The following MAP4K3 variants were observed in gnomAD, a reference collection of about 807,000 sequenced individuals.
MAP4K3 encodes MAPK/ERK kinase kinase kinase 3.
MAP4K3 carries 94 observed loss-of-function variants against 143.5 expected under a neutral mutation model. That is an observed-to-expected ratio of 0.65 (90% CI 0.55 to 0.78). MAP4K3 has a LOEUF of 0.78. Ranked by LOEUF, MAP4K3 falls within the 30% of genes least tolerant of loss-of-function variation. The pLI is 0.00. For synonymous variants in MAP4K3, 416 were observed against 347.2 expected, an observed-to-expected ratio of 1.20 and a Z score of -2.20; for missense variants, 1,077 against 1,068.1, an observed-to-expected ratio of 1.01 and a Z score of -0.12.
intron 3 of MAP4K3, 76 bp from the exon 4 acceptor site, chr2:39,343,528 T>G: frequency 8.4e-7 from 1 of 1,196,344 alleles, no homozygotes; most frequent in Non-Finnish European, 1.2e-6. Context: ...TATTTTAAGG[T>G]TGTAAGCTGT....
chr2:39,333,959 T>TTTTGTG (rs1335174702), intron 6 of MAP4K3, among the ~76,000 whole-genome samples: 1 of 87,244 alleles, frequency 1.1e-5, no homozygotes, highest in Non-Finnish European at 2.4e-5. Flanking sequence ...TGTTTCCCAT[T>TTTTGTG]TTTGTGTGTG....
At chr2:39,350,255 A>C (rs1002637185) in intron 3 of MAP4K3, among the ~76,000 whole-genome samples, 1 of 152,218 alleles carries the variant, frequency 6.6e-6, no homozygotes, top group African/African-American at 2.4e-5. Context: ...AGAAAAGAGA[A>C]AGACATGAAC....
Position 39,267,764 on chromosome 2 carries a change from T to C in MAP4K3, c.1974-517A>G, listed in dbSNP as rs145252568. On this transcript the variant is annotated intron_variant, in intron 26 of 33. Coordinates refer to ENST00000263881, the MANE Select transcript of MAP4K3 (RefSeq NM_003618.4). ...TCCAAATGGGTTAAGGGTTTAAATA[T>C]GAAAACAAACTATAGAAGTCTATAG... Among the ~76,000 whole-genome samples the C allele has an allele frequency of 1.5e-3, 230 of 151,632 alleles. 2 individuals carry two copies. The highest frequency in any genetic ancestry group is 4.9e-3 in the African/African-American group (203 of 41,362).
At chr2:39,259,304 G>T (rs1264762124) in intron 29 of MAP4K3, among the ~76,000 whole-genome samples, 1 of 152,134 alleles carries the variant, frequency 6.6e-6, no homozygotes, top group Non-Finnish European at 1.5e-5. Flanking sequence ...GTCCTATCTA[G>T]ACTATAAATG....
intron 31 of MAP4K3, among the ~76,000 whole-genome samples, chr2:39,254,809 G>A (rs1483171756): frequency 6.6e-6 from 1 of 151,998 alleles, no homozygotes; most frequent in South Asian, 2.1e-4. Context: ...CAAACTCCTG[G>A]CCTCAAGTGA....
Position 39,272,303 on chromosome 2 carries a change from G to A in MAP4K3, c.1953C>T (p.Leu651=), listed in dbSNP as rs142870000. 1 of 1,612,834 alleles carries A rather than the reference G, an allele frequency of 6.2e-7. No individual in the cohort carries two copies. The highest frequency in any genetic ancestry group is 2.2e-5 in the East Asian group (1 of 44,800). The part of the protein sequence containing the change: ...KLPVAIPAHK[L]PDRILPRKFS... ...CTTACCTTGGCAGTATTCTGTCAGG[G>A]AGTTTGTGTGCTGGAATAGCAACAG... Residue 651 remains leucine, a synonymous_variant, in exon 26 of 34, where the codon CTC becomes CTT. Transcript: ENST00000263881.
At chr2:39,263,639 G>A (rs942850430) in intron 28 of MAP4K3, among the ~76,000 whole-genome samples, 11 of 152,112 alleles carry the variant, frequency 7.2e-5, no homozygotes, top group African/African-American at 2.2e-4. Context: ...ATTAAGGAAG[G>A]CAGGCAAACA....
chr2:39,365,029 A>T (rs1665881883), intron 2 of MAP4K3, among the ~76,000 whole-genome samples: 1 of 152,202 alleles, frequency 6.6e-6, no homozygotes, highest in African/African-American at 2.4e-5. Context: ...GGAAAAATGA[A>T]TCCTCTATAG....
intron 18 of MAP4K3, among the ~76,000 whole-genome samples, chr2:39,292,147 A>C (rs1682071083): frequency 6.6e-6 from 1 of 152,236 alleles, no homozygotes; most frequent in African/African-American, 2.4e-5. Flanking sequence ...TAACAGATTA[A>C]AATTTAATCA....
intron 29 of MAP4K3, among the ~76,000 whole-genome samples, chr2:39,259,029 G>C (rs968878835): frequency 2.2e-5 from 3 of 137,620 alleles, no homozygotes; most frequent in Non-Finnish European, 4.7e-5. Context: ...TTTTGCGCCT[G>C]CTGCTCAGGC....
At chr2:39,376,455 A>G (rs1204894141) in intron 2 of MAP4K3, among the ~76,000 whole-genome samples, 1 of 152,234 alleles carries the variant, frequency 6.6e-6, no homozygotes, top group Non-Finnish European at 1.5e-5. Flanking sequence ...CAAGACTGAC[A>G]GTGCAACAAC....
chr2:39,433,834 T>C (rs1024496514), intron 1 of MAP4K3, among the ~76,000 whole-genome samples: 1 of 152,076 alleles, frequency 6.6e-6, no homozygotes, highest in Non-Finnish European at 1.5e-5. Context: ...AAAATGTATA[T>C]ATGCATTGGC....
intron 28 of MAP4K3, among the ~76,000 whole-genome samples, chr2:39,262,800 A>G (rs1680618992): frequency 6.6e-6 from 1 of 152,096 alleles, no homozygotes. Flanking sequence ...TTTAACTTTT[A>G]TTTATAATGA....
At chr2:39,317,100 T>C (rs1683135875) in intron 12 of MAP4K3, among the ~76,000 whole-genome samples, 2 of 151,918 alleles carry the variant, frequency 1.3e-5, no homozygotes, top group African/African-American at 2.4e-5. Context: ...AGCCTAGAAA[T>C]AAAGCCATAC....
chr2:39,402,912 A>G (rs1226641796), intron 1 of MAP4K3, among the ~76,000 whole-genome samples: 1 of 152,142 alleles, frequency 6.6e-6, no homozygotes, highest in African/African-American at 2.4e-5. Flanking sequence ...TAATGAGAAA[A>G]TATTATAAAT....
rs544710240 is a variant in MAP4K3 at position 39,354,445 on chromosome 2, AAAAT to A, written c.245+1800_245+1803del. Among the ~76,000 whole-genome samples, 8 of 151,996 alleles carry A rather than the reference AAAAT, an allele frequency of 5.3e-5. No individual in the cohort carries two copies. In the East Asian group the frequency reaches 1.5e-3, roughly 29 times the overall value. ...GTGACAGACTGAGATTCCATCTCAAAAAATAAATAAATAAATAAATAATTTAGCT... is the reference window on the plus strand; with the variant it reads ...GTGACAGACTGAGATTCCATCTCAAAAAATAAATAAATAAATAATTTAGCT... On this transcript the variant is annotated intron_variant, in intron 3 of 33. Coordinates refer to ENST00000263881, the MANE Select transcript of MAP4K3 (RefSeq NM_003618.4).
At chr2:39,280,220 G>T in intron 23 of MAP4K3, 52 bp downstream of exon 23, 1 of 1,007,892 alleles carries the variant, frequency 9.9e-7, no homozygotes, top group Non-Finnish European at 1.4e-6. Context: ...TGCTTTCATG[G>T]CCCCAGTTTT....
Position 39,411,481 on chromosome 2 carries a change from G to A in MAP4K3, c.96+25411C>T, listed in dbSNP as rs1426471280. Among the ~76,000 whole-genome samples the A allele has an allele frequency of 2.0e-5, 3 of 152,178 alleles. No homozygotes were observed. The East Asian group carries it at 5.8e-4, about 29-fold the overall frequency. ...AATACTTACTGAGAGCTAATCACAT[G>A]CCAGGTATGGTGCCGGGTACAGGGA... On this transcript the variant is annotated intron_variant, in intron 1 of 33. Transcript: ENST00000263881.
chr2:39,258,567 T>G lies in MAP4K3; in HGVS notation c.2329A>C (p.Thr777Pro). 1 of 1,613,568 alleles carries G rather than the reference T, an allele frequency of 6.2e-7. No homozygotes were observed. Among genetic ancestry groups the G allele is most frequent in the Non-Finnish European group, 8.5e-7 (1 of 1,179,458 alleles). Residue 777 changes from threonine (T) to proline (P), a missense_variant, in exon 30 of 34, where the codon ACT (threonine) becomes CCT (proline). Around this residue, in one of 2 missense-constraint regions of MAP4K3, gnomAD observed 864 missense variants for 801.2 expected, o/e 1.08. Coordinates refer to ENST00000263881, the MANE Select transcript of MAP4K3 (RefSeq NM_003618.4). ...TESDTPQTNV[T>P]HVTQLERDTI... ...TCTCTCTCCAGTTGGGTTACATGAG[T>G]AACATTTGTCTGTGGGGTATCTACA... is the stretch of plus-strand genomic sequence containing the variant.
Sources: allele counts gnomAD v4.1 joint callset (sites outside exome capture counted in the v4.1 genomes callset), GRCh38; gene constraint gnomAD v4.1.1; regional missense constraint gnomAD v4.1.1; transcripts MANE v1.5; gene names NCBI Gene and HGNC (gene_info 2026-07-23, HGNC 2026-07-21).